The following DMD variants were observed in gnomAD, a reference collection of about 807,000 sequenced individuals.
DMD encodes the protein mutant dystrophin.
Under a neutral mutation model 330.1 loss-of-function variants are expected in DMD, and 63 were observed. The ratio of observed to expected loss-of-function variants is 0.19; its 90% CI spans 0.16 to 0.24. The LOEUF is 0.24. Ranked by LOEUF, DMD falls within the 10% of genes least tolerant of loss-of-function variation. DMD has a pLI of 1.00. For missense variants in DMD, 3,344 were observed against 2,684.1 expected (o/e 1.25, Z -5.43); for synonymous variants, 1,223 against 959.8 (o/e 1.27, Z -5.07).
At position 31,742,087 on chromosome X, in the gene DMD, T is replaced by C. The variant is rs141743238; in HGVS notation, c.7543-12339A>G. 3.3e-3 allele frequency among the ~76,000 whole-genome samples: 369 copies of C among 112,118 alleles called. 2 individuals carry two copies. The highest frequency in any genetic ancestry group is 0.011 in the African/African-American group (344 of 30,890). ...TGCAGCTTCCTCACCTCTCTCGGCA[T>C]TCACAGAATTGCAGAGAATTAGTCC... On this transcript the variant is annotated intron_variant, in intron 51 of 78. Coordinates refer to ENST00000357033, the MANE Select transcript of DMD (RefSeq NM_004006.3).
chrX:32,712,728 G>A (rs930901843), intron 7 of DMD, among the ~76,000 whole-genome samples: 1 of 111,129 alleles, frequency 9.0e-6, no homozygotes, highest in African/African-American at 3.3e-5. Context: ...TATTACTAGT[G>A]TCATTCTGCA....
At chrX:33,207,902 C>T (rs1603417511) in intron 1 of DMD, among the ~76,000 whole-genome samples, 1 of 111,548 alleles carries the variant, frequency 9.0e-6, no homozygotes, top group East Asian at 2.8e-4. Context: ...TCCCACACTG[C>T]AGCCCATGAC....
At chrX:31,512,080 G>C (rs1211798254) in intron 55 of DMD, among the ~76,000 whole-genome samples, 1 of 109,615 alleles carries the variant, frequency 9.1e-6, no homozygotes, top group Non-Finnish European at 1.9e-5. Flanking sequence ...TTCTCTGATG[G>C]CCAGTGATGG....
At chrX:31,676,986 C>G (rs1332179257) in intron 53 of DMD, among the ~76,000 whole-genome samples, 2 of 111,104 alleles carry the variant, frequency 1.8e-5, no homozygotes, top group African/African-American at 3.3e-5. Flanking sequence ...TTCCTAAACA[C>G]AGAGCACAAA....
intron 52 of DMD, among the ~76,000 whole-genome samples, chrX:31,708,346 A>G (rs893174563): frequency 1.8e-5 from 2 of 111,544 alleles, no homozygotes; most frequent in Non-Finnish European, 3.8e-5. Flanking sequence ...ATGGTTTATT[A>G]CCCTCTGAAA....
intron 1 of DMD, among the ~76,000 whole-genome samples, chrX:33,171,696 C>A (rs188449756): frequency 3.7e-3 from 407 of 111,459 alleles, no homozygotes; most frequent in African/African-American, 0.013. Context: ...CAATTTATTG[C>A]TGCATTTTAT....
chrX:31,806,825 T>A (rs1016354398), intron 50 of DMD, among the ~76,000 whole-genome samples: 2 of 112,669 alleles, frequency 1.8e-5, no homozygotes, highest in Non-Finnish European at 3.7e-5. Context: ...GTCAACAATA[T>A]CCATTATGAT....
intron 12 of DMD, among the ~76,000 whole-genome samples, chrX:32,600,985 A>T (rs2056143527): frequency 9.0e-6 from 1 of 111,295 alleles, no homozygotes; most frequent in South Asian, 3.7e-4. Context: ...TCAAATAAAA[A>T]CTTCAAGTAC....
At chrX:32,599,199 C>A (rs1346157378) in intron 12 of DMD, among the ~76,000 whole-genome samples, 1 of 111,861 alleles carries the variant, frequency 8.9e-6, no homozygotes, top group Non-Finnish European at 1.9e-5. Context: ...GTGAATATAA[C>A]TGTATTAGCT....
At chrX:32,573,184 T>C (rs948732481) in intron 15 of DMD, among the ~76,000 whole-genome samples, 3 of 111,951 alleles carry the variant, frequency 2.7e-5, no homozygotes, top group African/African-American at 6.5e-5. Flanking sequence ...CTCTCACATA[T>C]TATTCTGAGA....
chrX:31,925,654 C>T (rs2149963456), intron 47 of DMD, among the ~76,000 whole-genome samples: 1 of 110,520 alleles, frequency 9.0e-6, no homozygotes, highest in South Asian at 3.8e-4. Context: ...GGCAGATCAC[C>T]TGAGGTCGGG....
intron 74 of DMD, among the ~76,000 whole-genome samples, chrX:31,163,372 T>C (rs1318944594): frequency 9.0e-6 from 1 of 111,565 alleles, no homozygotes; most frequent in Non-Finnish European, 1.9e-5. Context: ...TCCTTCACCT[T>C]CTGCCATGAT....
chrX:32,486,289 C>A (rs1471791452), intron 20 of DMD, among the ~76,000 whole-genome samples: 1 of 111,658 alleles, frequency 9.0e-6, no homozygotes, highest in Non-Finnish European at 1.9e-5. Context: ...AGAACATAAT[C>A]TCAAAGTTTT....
At chrX:33,301,475 G>A (rs763632133) in intron 1 of DMD, among the ~76,000 whole-genome samples, 71 of 111,621 alleles carry the variant, frequency 6.4e-4, no homozygotes, top group Non-Finnish European at 1.1e-3. Context: ...ATTCCAATTC[G>A]ATTTTACAAA....
At chrX:32,328,978 A>C (rs920212495) in intron 41 of DMD, among the ~76,000 whole-genome samples, 2 of 111,687 alleles carry the variant, frequency 1.8e-5, no homozygotes, top group African/African-American at 3.3e-5. Flanking sequence ...AAAATACAGA[A>C]CAACCAACTC....
At chrX:32,188,599 C>G (rs2096957949) in intron 44 of DMD, among the ~76,000 whole-genome samples, 1 of 107,637 alleles carries the variant, frequency 9.3e-6, no homozygotes, top group African/African-American at 3.4e-5. Context: ...ACTTGTAAAC[C>G]ACTAACCCAT....
chrX:31,648,074 T>C (rs958625681), intron 54 of DMD, among the ~76,000 whole-genome samples: 1 of 111,868 alleles, frequency 8.9e-6, no homozygotes, highest in Admixed American at 9.5e-5. Flanking sequence ...CTAATAAAAA[T>C]GTGGTAAGAT....
chrX:32,053,166 A>G (rs1008851424), intron 44 of DMD, among the ~76,000 whole-genome samples: 3 of 111,619 alleles, frequency 2.7e-5, no homozygotes, highest in Admixed American at 9.5e-5. Context: ...GCATTCATGG[A>G]TCTTAGAATG....
chrX:32,775,981 GAA>G (rs1158669604), intron 7 of DMD, among the ~76,000 whole-genome samples: 1 of 111,931 alleles, frequency 8.9e-6, no homozygotes, highest in Admixed American at 9.5e-5. Context: ...TATGTTTTCA[GAA>G]AAAGTCAAGT....
Sources: gnomAD v4.1 joint callset for allele counts (sites outside exome capture counted in the v4.1 genomes callset) on GRCh38, gnomAD v4.1.1 for gene constraint, MANE v1.5 for transcripts, NCBI Gene and HGNC (gene_info 2026-07-23, HGNC 2026-07-21) for gene names.